The following ANO1 variants were observed in gnomAD, a reference collection of about 807,000 sequenced individuals.
ANO1 encodes the protein anoctamin-1.
ANO1 carries 59 observed loss-of-function variants against 124.0 expected under a neutral mutation model. The ratio of observed to expected loss-of-function variants is 0.48; its 90% CI spans 0.39 to 0.59. The LOEUF (loss-of-function observed/expected upper bound fraction) is 0.59, where lower values mean the gene tolerates loss of function less well. Ranked by LOEUF, ANO1 falls within the 20% of genes least tolerant of loss-of-function variation. The probability of loss-of-function intolerance (pLI) is 0.00; values close to 1 mark genes in which losing one functional copy is unlikely to be tolerated. For synonymous variants in ANO1, 529 were observed against 532.0 expected (o/e 0.99, Z 0.08); for missense variants, 1,059 against 1,328.0 (o/e 0.80, Z 3.15).
chr11:69,977,776 C>T, the ANO1 span, among the ~76,000 whole-genome samples: 1 of 152,230 alleles, frequency 6.6e-6, no homozygotes, highest in Non-Finnish European at 1.5e-5. Flanking sequence ...TGAGACCCAG[C>T]GCTCTGAAGA....
chr11:70,082,283 G>T (rs2044223880), intron 1 of ANO1, among the ~76,000 whole-genome samples: 1 of 152,236 alleles, frequency 6.6e-6, no homozygotes, highest in Admixed American at 6.5e-5. Flanking sequence ...AGAGGGCTGG[G>T]TGCCATGGCT....
chr11:70,131,654 G>A (rs2046764258), intron 10 of ANO1, among the ~76,000 whole-genome samples: 1 of 152,226 alleles, frequency 6.6e-6, no homozygotes, highest in Non-Finnish European at 1.5e-5. Flanking sequence ...GCAGCAACAG[G>A]GGAGCATTAA....
At chr11:70,160,496 G>A (rs1034394452) in intron 16 of ANO1, among the ~76,000 whole-genome samples, 9 of 152,190 alleles carry the variant, frequency 5.9e-5, no homozygotes, top group East Asian at 1.9e-4. Context: ...CTGGTCCCAC[G>A]GTATGTTTGG....
Position 70,167,385 on chromosome 11 carries a change from T to G in ANO1, c.2195T>G (p.Met732Arg), listed in dbSNP as rs747236222. The change falls in exon 21 of 26, where the codon ATG becomes AGG. Residue 732 changes from methionine to arginine, a missense_variant and splice_region_variant. Around this residue, in one of 2 missense-constraint regions of ANO1, gnomAD observed 809 missense variants for 1,094.9 expected, o/e 0.74. Transcript: ENST00000355303. ...FAGLTPEYME[M>R]IIQFGFVTLF... ...GGCCTCACCCCAGAGTACATGGAAA[T>G]GAGTGAGTGATGGCCGGGGCAGGCA... 1 of 1,610,342 alleles carries G rather than the reference T, an allele frequency of 6.2e-7. No homozygotes were observed. The highest frequency in any genetic ancestry group is 8.5e-7 in the Non-Finnish European group (1 of 1,178,310).
At chr11:69,983,807 G>T (rs1411911983), upstream of ANO1, among the ~76,000 whole-genome samples, 1 of 152,206 alleles carries the variant, frequency 6.6e-6, no homozygotes, top group Non-Finnish European at 1.5e-5. Flanking sequence ...TCATCCGAAC[G>T]CAACTTAATT....
chr11:70,134,209 C>T (rs146794354), intron 11 of ANO1, among the ~76,000 whole-genome samples: 64 of 152,332 alleles, frequency 4.2e-4, no homozygotes, highest in African/African-American at 1.5e-3. Context: ...TCCACATGGT[C>T]GCCAGCAGCT....
chr11:70,061,107 C>T (rs1261932540), intron 1 of ANO1, among the ~76,000 whole-genome samples: 3 of 151,862 alleles, frequency 2.0e-5, no homozygotes, highest in Non-Finnish European at 4.4e-5. Context: ...ACTGAACGTG[C>T]AGGAAGGGTG....
chr11:70,142,236 A>G (rs907483279), intron 11 of ANO1, among the ~76,000 whole-genome samples: 19 of 152,198 alleles, frequency 1.2e-4, no homozygotes, highest in African/African-American at 4.6e-4. Flanking sequence ...CCTGGCTGCA[A>G]AAAGCCGGAG....
chr11:70,010,375 A>G (rs971363170), intron 1 of ANO1, among the ~76,000 whole-genome samples: 27 of 151,240 alleles, frequency 1.8e-4, no homozygotes, highest in Non-Finnish European at 1.0e-4. Context: ...GCTCTTTTTA[A>G]CAACCAGTGG....
At chr11:70,103,861 C>A in intron 3 of ANO1, 138 bp from the exon 4 acceptor site, 1 of 917,330 alleles carries the variant, frequency 1.1e-6, no homozygotes, top group Non-Finnish European at 1.6e-6. Context: ...GCGGTGCATT[C>A]TGGCCCACCC....
chr11:69,992,203 T>C (rs1554997637), intron 1 of ANO1, among the ~76,000 whole-genome samples: 2 of 145,824 alleles, frequency 1.4e-5, no homozygotes, highest in Non-Finnish European at 3.0e-5. Context: ...AATGGATGGA[T>C]GGACGAATGG....
At chr11:70,095,609 G>A (rs2044918057) in intron 2 of ANO1, among the ~76,000 whole-genome samples, 2 of 152,204 alleles carry the variant, frequency 1.3e-5, no homozygotes, top group South Asian at 2.1e-4. Context: ...CAGGCCCATG[G>A]TGTGCTGGAG....
At chr11:70,125,073 T>C (rs1200676096) in intron 9 of ANO1, among the ~76,000 whole-genome samples, 4 of 152,088 alleles carry the variant, frequency 2.6e-5, no homozygotes, top group Non-Finnish European at 5.9e-5. Flanking sequence ...CCGGGCGCGG[T>C]GGCTCACGCC....
chr11:69,992,879 C>G (rs1856183435), intron 1 of ANO1, among the ~76,000 whole-genome samples: 1 of 152,196 alleles, frequency 6.6e-6, no homozygotes, highest in Admixed American at 6.5e-5. Flanking sequence ...AAAGCCTTCC[C>G]AGCCCTCAGA....
chr11:70,000,914 G>A (rs1389465800), intron 1 of ANO1, among the ~76,000 whole-genome samples: 1 of 150,446 alleles, frequency 6.6e-6, no homozygotes, highest in Non-Finnish European at 1.5e-5. Context: ...GCACAAAAGG[G>A]TACATGAGAT....
rs200674247 is a variant in ANO1 at position 70,185,657 on chromosome 11, G to A, written c.2656G>A (p.Val886Ile). The change falls in exon 25 of 26, where the codon GTC (valine) becomes ATC (isoleucine). Residue 886 changes from valine (V) to isoleucine (I), a missense_variant. Transcript: ENST00000355303. ...KYDISKDFWA[V>I]LAARLAFVIV... ...CGACATCTCCAAGGACTTCTGGGCCGTCCTGGCAGCCCGGCTGGCGTTTGT... is the reference window on the plus strand; with the variant it reads ...CGACATCTCCAAGGACTTCTGGGCCATCCTGGCAGCCCGGCTGGCGTTTGT... 231 of 1,613,808 alleles carry A rather than the reference G, an allele frequency of 1.4e-4. 2 individuals are homozygous for A. In the Middle Eastern group the frequency reaches 2.5e-3, roughly 17 times the overall value.
chr11:69,996,917 G>A lies in ANO1; in HGVS notation c.58+10751G>A, dbSNP rs551170007. Reference sequence around the variant, plus strand: ...CTTGGGTTTAGAGGGAAGCTTGTACGGAAAATGCACAGGTCACCTGGAACA... The same window carrying A: ...CTTGGGTTTAGAGGGAAGCTTGTACAGAAAATGCACAGGTCACCTGGAACA... On this transcript the variant is annotated intron_variant, in intron 1 of 27. Coordinates refer to the ANO1 transcript ENST00000531349. Among the ~76,000 whole-genome samples the A allele has an allele frequency of 1.9e-3, 291 of 152,282 alleles. 1 individual carries two copies. The highest frequency in any genetic ancestry group is 0.01 in the Middle Eastern group (3 of 294).
Position 70,018,079 on chromosome 11 carries a change from G to T in ANO1, c.58+31913G>T, listed in dbSNP as rs370821772. 1.8e-4 allele frequency among the ~76,000 whole-genome samples: 28 copies of T among 152,196 alleles called. No individual in the cohort carries two copies. The South Asian group carries it at 5.6e-3, about 30-fold the overall frequency. On this transcript the variant is annotated intron_variant, in intron 1 of 27. Coordinates refer to the ANO1 transcript ENST00000531349. ...TGCTCAAAACTTATGAAGAGGCCAG[G>T]CATGGTGGCTCATGCCTATAATTCC...
chr11:70,167,654 C>G (rs1463922057), intron 21 of ANO1, among the ~76,000 whole-genome samples: 1 of 151,752 alleles, frequency 6.6e-6, no homozygotes, highest in Non-Finnish European at 1.5e-5. Flanking sequence ...GGCACGGTCC[C>G]CAAGCATGGT....
Sources: allele counts gnomAD v4.1 joint callset (sites outside exome capture counted in the v4.1 genomes callset), GRCh38; gene constraint gnomAD v4.1.1; regional missense constraint gnomAD v4.1.1; transcripts MANE v1.5; gene names NCBI Gene and HGNC (gene_info 2026-07-23, HGNC 2026-07-21).